The following SIAH3 variants were observed in gnomAD, a reference collection of about 807,000 sequenced individuals.
The protein encoded by SIAH3 is seven in absentia homolog 3.
Under a neutral mutation model 12.6 loss-of-function variants are expected in SIAH3, and 9 were observed. The ratio of observed to expected loss-of-function variants is 0.72; its 90% CI spans 0.43 to 1.25. The LOEUF (loss-of-function observed/expected upper bound fraction) is 1.25. SIAH3 is among the 50% of genes most tolerant of loss of function. SIAH3 has a pLI of 0.00. For synonymous variants in SIAH3, 154 were observed against 151.1 expected, an observed-to-expected ratio of 1.02 and a Z score of -0.14; for missense variants, 390 against 365.4, an observed-to-expected ratio of 1.07 and a Z score of -0.55.
chr13:45,811,059 T>C (rs559790852), intron 1 of SIAH3, among the ~76,000 whole-genome samples: 3 of 152,236 alleles, frequency 2.0e-5, no homozygotes, highest in Non-Finnish European at 4.4e-5. Context: ...CTGGTTCAGC[T>C]GTTCATTTGC....
chr13:45,835,209 G>A (rs1307874206), intron 1 of SIAH3, among the ~76,000 whole-genome samples: 1 of 152,180 alleles, frequency 6.6e-6, no homozygotes, highest in African/African-American at 2.4e-5. Context: ...TATTGTGATA[G>A]TGACTATTTC....
At chr13:45,843,167 G>C (rs1259642141) in intron 1 of SIAH3, among the ~76,000 whole-genome samples, 1 of 151,788 alleles carries the variant, frequency 6.6e-6, no homozygotes, top group Non-Finnish European at 1.5e-5. Flanking sequence ...GCCCTTCCTC[G>C]ATTCCAGAGG....
intron 1 of SIAH3, among the ~76,000 whole-genome samples, chr13:45,797,788 G>A (rs1950568178): frequency 6.6e-6 from 1 of 152,180 alleles, no homozygotes; most frequent in South Asian, 2.1e-4. Context: ...ATCATGCCGG[G>A]CATCCTTCTT....
intron 1 of SIAH3, among the ~76,000 whole-genome samples, chr13:45,842,559 G>A (rs1950743869): frequency 6.6e-6 from 1 of 152,108 alleles, no homozygotes; most frequent in Admixed American, 6.5e-5. Flanking sequence ...ATGTTGCCCA[G>A]GCTGGTCTCG....
chr13:45,804,963 AACAC>A (rs56315825), intron 1 of SIAH3, among the ~76,000 whole-genome samples: 5,901 of 135,812 alleles, frequency 0.043, 166 homozygotes, highest in African/African-American at 0.079. Flanking sequence ...TCCCATTTAT[AACAC>A]ACACACACAC....
At chr13:45,789,338 AATCT>A (rs372553639) in intron 1 of SIAH3, among the ~76,000 whole-genome samples, 17 of 151,392 alleles carry the variant, frequency 1.1e-4, no homozygotes, top group Admixed American at 5.3e-4. Flanking sequence ...ATGTGATATA[AATCT>A]ATCTGTGTAT....
chr13:45,778,787 A>G lies in SIAH3; in HGVS notation c.*4596T>C, dbSNP rs944816017. On this transcript the variant is annotated 3_prime_UTR_variant, in exon 2 of 2. Transcript: ENST00000400405. ...AACAATAAGAAATAATGCAGTATAA[A>G]AACTATTGACATAGCATTTACATTG... is the stretch of plus-strand genomic sequence containing the variant. 7.2e-5 allele frequency: 11 copies of G among 152,242 alleles called. No individual in the cohort carries two copies. Among genetic ancestry groups the G allele is most frequent in the Non-Finnish European group, 1.5e-4 (10 of 68,032 alleles). 9.4% of individuals were successfully genotyped at this position (152,242 alleles called of 1,614,324 possible).
chr13:45,807,148 T>C, intron 1 of SIAH3, among the ~76,000 whole-genome samples: 1 of 152,082 alleles, frequency 6.6e-6, no homozygotes, highest in East Asian at 1.9e-4. Context: ...AAACGTAAAA[T>C]GCTACAGAAG....
At chr13:45,843,171 C>A (rs1950746946) in intron 1 of SIAH3, among the ~76,000 whole-genome samples, 1 of 151,952 alleles carries the variant, frequency 6.6e-6, no homozygotes, top group Non-Finnish European at 1.5e-5. Flanking sequence ...TTCCTCGATT[C>A]CAGAGGCTGC....
rs773328760 is a variant in SIAH3, at chr13:45,783,910, C to T, written c.283G>A (p.Ala95Thr). Residue 95 changes from alanine to threonine, a missense_variant, in exon 2 of 2, where the codon GCG becomes ACG. Physicochemically the swap from Ala to Thr is moderately conservative, Grantham distance 58. Coordinates refer to ENST00000400405, the MANE Select transcript of SIAH3 (RefSeq NM_198849.3). ...GTCACCGGGTTGGCGTGCAGCCCCG[C>T]CTCCTGGTGGTGAAGGTGGTGGGGG... ...AHPHHLHHQE[A>T]GLHANPVTPC... 3 of 1,611,094 alleles carry T rather than the reference C, an allele frequency of 1.9e-6. No homozygotes were observed. The highest frequency in any genetic ancestry group is 1.7e-5 in the Admixed American group (1 of 59,912).
chr13:45,795,847 G>A (rs7999294), intron 1 of SIAH3, among the ~76,000 whole-genome samples: 79,773 of 152,034 alleles, frequency 0.52, 22,180 homozygotes, highest in African/African-American at 0.65. Context: ...CTTCTAATGA[G>A]TAAATTGTGA....
Position 45,778,987 on chromosome 13 carries a change from A to G in SIAH3, c.*4396T>C, listed in dbSNP as rs1407175393. The G allele has an allele frequency of 6.6e-6, 1 of 152,170 alleles. No individual in the cohort carries two copies. The highest frequency in any genetic ancestry group is 6.5e-5 in the Admixed American group (1 of 15,276). The allele number at this position is 152,170 out of a possible 1,614,324, so 9.4% of individuals were successfully genotyped here. A position where few individuals can be genotyped will look rare whatever the true frequency, so the allele number is the denominator to read the frequency against. On this transcript the variant is annotated 3_prime_UTR_variant, in exon 2 of 2. Transcript: ENST00000400405. ...ATACTGAGGGATGATTATACTGTTA[A>G]GTGCTTAACAACTGGCTTTCTAGGG...
intron 1 of SIAH3, among the ~76,000 whole-genome samples, chr13:45,796,660 A>T (rs1950563775): frequency 6.6e-6 from 1 of 152,208 alleles, no homozygotes; most frequent in African/African-American, 2.4e-5. Flanking sequence ...CTCCTCTCTG[A>T]GATTAGACTT....
At chr13:45,849,823 A>G (rs577327712) in intron 1 of SIAH3, among the ~76,000 whole-genome samples, 1 of 152,354 alleles carries the variant, frequency 6.6e-6, no homozygotes, top group South Asian at 2.1e-4. Context: ...AAAGTCTCAT[A>G]AGCAATTTTT....
At chr13:45,820,481 G>A (rs1312784576) in intron 1 of SIAH3, among the ~76,000 whole-genome samples, 1 of 152,114 alleles carries the variant, frequency 6.6e-6, no homozygotes, top group Non-Finnish European at 1.5e-5. Context: ...ACTGTTTAAG[G>A]CCTATGTTTG....
intron 1 of SIAH3, among the ~76,000 whole-genome samples, chr13:45,832,427 T>A (rs1041348854): frequency 2.0e-5 from 3 of 152,250 alleles, no homozygotes; most frequent in Non-Finnish European, 4.4e-5. Context: ...AGAAATTTCA[T>A]GTAAATGGAA....
intron 1 of SIAH3, among the ~76,000 whole-genome samples, chr13:45,827,213 T>C (rs1950681835): frequency 6.6e-6 from 1 of 152,198 alleles, no homozygotes; most frequent in African/African-American, 2.4e-5. Flanking sequence ...TTTGCTTTCC[T>C]AATAAAATGA....
intron 1 of SIAH3, among the ~76,000 whole-genome samples, chr13:45,784,406 T>G (rs1220668048): frequency 6.7e-6 from 1 of 149,560 alleles, no homozygotes; most frequent in Non-Finnish European, 1.5e-5. Context: ...CTGTTTTTTT[T>G]TTTTTTTTTT....
intron 1 of SIAH3, among the ~76,000 whole-genome samples, chr13:45,819,153 G>A (rs1441275114): frequency 2.0e-5 from 3 of 152,166 alleles, no homozygotes; most frequent in Admixed American, 2.0e-4. Context: ...AGGAAGAGAG[G>A]CCAGTGTAGA....
Sources: gnomAD v4.1 joint callset for allele counts (sites outside exome capture counted in the v4.1 genomes callset) on GRCh38, gnomAD v4.1.1 for gene constraint, MANE v1.5 for transcripts, NCBI Gene and HGNC (gene_info 2026-07-23, HGNC 2026-07-21) for gene names.